Variants in DDX19B observed in about 807,000 individuals in gnomAD.
The protein encoded by DDX19B is DEAD-box helicase 19B, also known as ATP-dependent RNA helicase DDX19B.
Under a neutral mutation model 58.1 loss-of-function variants are expected in DDX19B, and 27 were observed. The observed-to-expected ratio is 0.46, with a 90% CI of 0.34 to 0.64. DDX19B has a LOEUF of 0.64. Among genes scored for constraint, DDX19B ranks in the 30% least tolerant of loss-of-function variants. The pLI is 0.01. For synonymous variants in DDX19B, 187 were observed against 214.4 expected, an observed-to-expected ratio of 0.87 and a Z score of 1.12; for missense variants, 399 against 596.5, an observed-to-expected ratio of 0.67 and a Z score of 3.45.
upstream of DDX19B, among the ~76,000 whole-genome samples, chr16:70,291,124 C>T (rs748434560): frequency 1.3e-5 from 2 of 152,150 alleles, no homozygotes; most frequent in Non-Finnish European, 2.9e-5. Flanking sequence ...AATCATCAAA[C>T]CTACCATTTA....
chr16:70,320,307 T>C (rs1297755349), intron 5 of DDX19B, among the ~76,000 whole-genome samples: 1 of 151,490 alleles, frequency 6.6e-6, no homozygotes, highest in Non-Finnish European at 1.5e-5. Context: ...GGGGTCTTGC[T>C]ATGTTGCCCA....
Position 70,330,084 on chromosome 16 carries a change from A to C in DDX19B, c.1023+16A>C. The C allele has an allele frequency of 6.2e-7, 1 of 1,613,858 alleles. No homozygotes were observed. The highest frequency in any genetic ancestry group is 8.5e-7 in the Non-Finnish European group (1 of 1,179,784). ...CTTCTGCCATGTGAGTAGCAGTGGC[A>C]GTGGCAGGCCTGGCCCTTCCCTCTC... On this transcript the variant is annotated intron_variant, in intron 9 of 11. Transcript: ENST00000288071.
At chr16:70,331,642 G>T in intron 9 of DDX19B, 80 bp from the exon 10 acceptor site, 1 of 1,518,162 alleles carries the variant, frequency 6.6e-7, no homozygotes, top group Admixed American at 2.3e-5. Flanking sequence ...TATTTTAATC[G>T]TGGCAAGCCA....
chr16:70,293,453 GA>G (rs796190221), upstream of DDX19B, among the ~76,000 whole-genome samples: 911 of 137,702 alleles, frequency 6.6e-3, 10 homozygotes, highest in African/African-American at 0.021. Context: ...GAAACAAGTG[GA>G]AAAAAAAAAA....
chr16:70,333,729 T>G lies in DDX19B; in HGVS notation c.*147T>G, dbSNP rs1248212031. On this transcript the variant is annotated 3_prime_UTR_variant, in exon 12 of 12. Coordinates refer to ENST00000288071, the MANE Select transcript of DDX19B (RefSeq NM_007242.7). ...ACCTCACTTCAAATTATGTTTGGACTTGACAAAAATGTATGCAAATGATGG... is the reference window on the plus strand; with the variant it reads ...ACCTCACTTCAAATTATGTTTGGACGTGACAAAAATGTATGCAAATGATGG... 3.2e-6 allele frequency: 4 copies of G among 1,252,826 alleles called. No individual in the cohort carries two copies. The highest frequency in any genetic ancestry group is 4.5e-6 in the Non-Finnish European group (4 of 882,700). The allele number at this position is 1,252,826 out of a possible 1,614,324, so 77.6% of individuals were successfully genotyped here. A position where few individuals can be genotyped will look rare whatever the true frequency, so the allele number is the denominator to read the frequency against.
intron 7 of DDX19B, among the ~76,000 whole-genome samples, chr16:70,326,168 T>A (rs1351133232): frequency 6.6e-6 from 1 of 152,198 alleles, no homozygotes; most frequent in Non-Finnish European, 1.5e-5. Flanking sequence ...CCAGACTAGT[T>A]GCTTTTCAAA....
chr16:70,327,518 G>A (rs1963233792), intron 7 of DDX19B, among the ~76,000 whole-genome samples: 2 of 151,710 alleles, frequency 1.3e-5, no homozygotes. Context: ...GGGCGATAGA[G>A]CAAGACTCTG....
intron 8 of DDX19B, among the ~76,000 whole-genome samples, 154 bp from the exon 9 acceptor site, chr16:70,329,677 C>G (rs1176111943): frequency 6.6e-6 from 1 of 152,144 alleles, no homozygotes; most frequent in Non-Finnish European, 1.5e-5. Flanking sequence ...CTCCCCCAAC[C>G]CCTGTCCCCA....
upstream of DDX19B, chr16:70,294,996 G>C: frequency 4.3e-6 from 6 of 1,380,592 alleles, no homozygotes; most frequent in South Asian, 9.7e-5. Context: ...CCTGGGTAGA[G>C]GAATAACAAT....
intron 1 of DDX19B, among the ~76,000 whole-genome samples, chr16:70,307,147 C>A (rs967412537): frequency 1.2e-4 from 19 of 152,040 alleles, no homozygotes; most frequent in African/African-American, 4.3e-4. Flanking sequence ...ATTATTTCTA[C>A]TTTTTAGCTA....
chr16:70,325,712 A>T, intron 7 of DDX19B, 24 bp downstream of exon 7: 1 of 1,506,554 alleles, frequency 6.6e-7, no homozygotes, highest in South Asian at 1.1e-5. Context: ...TTTGGTCCTA[A>T]ATCATCAACC....
At chr16:70,313,673 A>C (rs779875913) in intron 2 of DDX19B, among the ~76,000 whole-genome samples, 1 of 152,208 alleles carries the variant, frequency 6.6e-6, no homozygotes, top group Non-Finnish European at 1.5e-5. Context: ...ATTTATCCAA[A>C]GTTAAGATTT....
In DDX19B at chr16:70,316,023, A is replaced by T; in HGVS notation, c.215A>T (p.Asp72Val). The T allele has an allele frequency of 1.2e-6, 2 of 1,614,076 alleles. No individual in the cohort carries two copies. Among genetic ancestry groups the T allele is most frequent in the South Asian group, 2.2e-5 (2 of 91,078 alleles). Residue 72 changes from aspartate to valine, a missense_variant, in exon 4 of 12, where the codon GAT (aspartate) becomes GTT (valine). By Grantham distance (152) the Asp-to-Val change is radical (BLOSUM62 -3). This residue lies in a region of DDX19B where 132 missense variants were observed against 159.4 expected (regional missense o/e 0.83). Transcript: ENST00000288071. ...AAGCTGATCAGAAGCAACCTTGTTGATAACACAAACCAAGTGGAAGTCCTG... is the reference window on the plus strand; with the variant it reads ...AAGCTGATCAGAAGCAACCTTGTTGTTAACACAAACCAAGTGGAAGTCCTG... ...LNKLIRSNLV[D>V]NTNQVEVLQR...
intron 1 of DDX19B, among the ~76,000 whole-genome samples, chr16:70,310,192 C>T (rs1962010070): frequency 1.3e-5 from 2 of 152,042 alleles, no homozygotes; most frequent in African/African-American, 2.4e-5. Context: ...ACCATCCTGG[C>T]CAATGTGGTG....
At chr16:70,311,843 TTTTC>T (rs1414495293) in intron 1 of DDX19B, among the ~76,000 whole-genome samples, 6 of 151,766 alleles carry the variant, frequency 4.0e-5, no homozygotes, top group African/African-American at 7.3e-5. Flanking sequence ...TTTTCTTTTC[TTTTC>T]TTTTTTTTTT....
chr16:70,316,143 C>T lies in DDX19B; in HGVS notation c.296+39C>T, dbSNP rs751846263. On this transcript the variant is annotated intron_variant, in intron 4 of 11. Transcript: ENST00000288071. ...CACCTTCTGACTCTTCCCCTTTGCA[C>T]TGAAATAGAGATCCTAGGTCTGTTA... 8.1e-6 allele frequency: 13 copies of T among 1,612,394 alleles called. No individual in the cohort carries two copies. In the East Asian group the frequency reaches 2.5e-4, roughly 30 times the overall value.
upstream of DDX19B, among the ~76,000 whole-genome samples, chr16:70,297,632 A>G (rs940915632): frequency 1.2e-4 from 19 of 152,344 alleles, no homozygotes; most frequent in Admixed American, 7.8e-4. Context: ...ACAAGGGAAG[A>G]GAAGCTTCTT....
At chr16:70,315,853 T>G in intron 3 of DDX19B, 116 bp from the exon 4 acceptor site, 1 of 1,358,832 alleles carries the variant, frequency 7.4e-7, no homozygotes, top group East Asian at 2.3e-5. Flanking sequence ...TGACGTACCT[T>G]GAATTTGAAT....
chr16:70,323,148 AGT>A (rs1962942474), intron 5 of DDX19B, among the ~76,000 whole-genome samples: 2 of 152,028 alleles, frequency 1.3e-5, no homozygotes, highest in Non-Finnish European at 2.9e-5. Context: ...GCTGGAGTAC[AGT>A]GGTGCAGTCT....
Sources: gnomAD v4.1 joint callset for allele counts (sites outside exome capture counted in the v4.1 genomes callset) on GRCh38, gnomAD v4.1.1 for gene constraint, gnomAD v4.1.1 regional missense constraint, MANE v1.5 for transcripts, NCBI Gene and HGNC (gene_info 2026-07-23, HGNC 2026-07-21) for gene names.